The following LUZP2 variants were observed in gnomAD, a reference collection of about 807,000 sequenced individuals.
LUZP2 encodes the protein leucine zipper protein 2.
LUZP2 carries 52 observed loss-of-function variants against 51.6 expected under a neutral mutation model. The ratio of observed to expected loss-of-function variants is 1.01; its 90% CI spans 0.81 to 1.27. The LOEUF (loss-of-function observed/expected upper bound fraction) is 1.27, where lower values mean the gene tolerates loss of function less well. Ranked by LOEUF, LUZP2 falls within the 50% of genes most tolerant of loss-of-function variation. The probability of loss-of-function intolerance (pLI) is 0.00; values close to 1 mark genes in which losing one functional copy is unlikely to be tolerated. For missense variants in LUZP2, 436 were observed against 395.4 expected (o/e 1.10, Z -0.87); for synonymous variants, 154 against 137.3 (o/e 1.12, Z -0.85).
At chr11:24,559,728 A>C (rs570599617) in intron 1 of LUZP2, among the ~76,000 whole-genome samples, 1 of 152,326 alleles carries the variant, frequency 6.6e-6, no homozygotes, top group African/African-American at 2.4e-5. Flanking sequence ...GAGCAGAATA[A>C]ATAAAAAATC....
At chr11:24,907,260 C>A (rs1853483712) in intron 6 of LUZP2, among the ~76,000 whole-genome samples, 1 of 146,496 alleles carries the variant, frequency 6.8e-6, no homozygotes, top group Admixed American at 6.9e-5. Flanking sequence ...AAGGTGAAAA[C>A]TCTCCTTGAA....
intron 1 of LUZP2, among the ~76,000 whole-genome samples, chr11:24,527,433 A>G (rs1476139538): frequency 1.4e-5 from 2 of 145,596 alleles, no homozygotes; most frequent in Non-Finnish European, 3.0e-5. Context: ...AAGACATACA[A>G]TCACTTTCTC....
chr11:24,608,347 C>A (rs1036631845), intron 1 of LUZP2, among the ~76,000 whole-genome samples: 1 of 152,098 alleles, frequency 6.6e-6, no homozygotes, highest in African/African-American at 2.4e-5. Flanking sequence ...AATTATATGG[C>A]ATAGAAATAG....
At chr11:25,005,131 C>T (rs1335805461) in intron 9 of LUZP2, among the ~76,000 whole-genome samples, 1 of 152,104 alleles carries the variant, frequency 6.6e-6, no homozygotes, top group East Asian at 1.9e-4. Context: ...CCCCCTACAG[C>T]TTGAAGGGGG....
At chr11:24,623,070 G>C (rs376114673) in intron 1 of LUZP2, among the ~76,000 whole-genome samples, 1 of 151,976 alleles carries the variant, frequency 6.6e-6, no homozygotes, top group African/African-American at 2.4e-5. Flanking sequence ...CTGTAAATGT[G>C]CTTTAAAGAG....
intron 9 of LUZP2, among the ~76,000 whole-genome samples, chr11:25,007,703 A>G (rs1856871624): frequency 6.6e-6 from 1 of 152,226 alleles, no homozygotes; most frequent in African/African-American, 2.4e-5. Flanking sequence ...GTTTACTGTT[A>G]TCATAAACTA....
intron 1 of LUZP2, among the ~76,000 whole-genome samples, chr11:24,703,777 C>T (rs187518333): frequency 1.3e-4 from 19 of 151,728 alleles, no homozygotes; most frequent in African/African-American, 3.4e-4. Flanking sequence ...TGCAGTGAGC[C>T]GAGATCATGC....
chr11:25,039,176 C>T (rs1451462893), intron 9 of LUZP2, among the ~76,000 whole-genome samples: 4 of 152,118 alleles, frequency 2.6e-5, no homozygotes, highest in African/African-American at 9.7e-5. Flanking sequence ...TGTTGGGGCT[C>T]CCTTGGGGAT....
In LUZP2 at chr11:24,609,266, C is replaced by T. The variant is rs534318780; in HGVS notation, c.62+111961C>T. 3.9e-5 allele frequency among the ~76,000 whole-genome samples: 6 copies of T among 152,208 alleles called. No homozygotes were observed. The South Asian group carries it at 1.2e-3, about 32-fold the overall frequency. On this transcript the variant is annotated intron_variant, in intron 1 of 11. Transcript: ENST00000336930. ...GAAGGAGTCATTTTGAGAGATGAAC[C>T]CCAATCCTAGCTCTGTAGCAGTGGT...
intron 7 of LUZP2, among the ~76,000 whole-genome samples, chr11:24,967,344 G>T (rs1590785980): frequency 1.4e-5 from 2 of 146,852 alleles, no homozygotes; most frequent in Non-Finnish European, 1.5e-5. Flanking sequence ...TTAATTCATA[G>T]ACATTGTATA....
chr11:24,970,751 G>A (rs1285730652), intron 7 of LUZP2, among the ~76,000 whole-genome samples: 1 of 152,082 alleles, frequency 6.6e-6, no homozygotes, highest in Non-Finnish European at 1.5e-5. Context: ...CTATCCTTTA[G>A]AATCTAGCTC....
At chr11:24,618,261 T>C (rs548055162) in intron 1 of LUZP2, among the ~76,000 whole-genome samples, 4 of 152,178 alleles carry the variant, frequency 2.6e-5, no homozygotes, top group Non-Finnish European at 5.9e-5. Flanking sequence ...CTGGATATGA[T>C]GTAAGTCCAG....
intron 1 of LUZP2, among the ~76,000 whole-genome samples, chr11:24,672,164 A>G: frequency 6.6e-6 from 1 of 152,112 alleles, no homozygotes; most frequent in East Asian, 1.9e-4. Context: ...ATTATTATAT[A>G]TTTGGAATTG....
At chr11:24,504,493 A>T (rs1468153045) in intron 1 of LUZP2, among the ~76,000 whole-genome samples, 7 of 152,122 alleles carry the variant, frequency 4.6e-5, no homozygotes, top group Admixed American at 2.0e-4. Context: ...TCTGAAACTT[A>T]ATTTTCCCCT....
chr11:24,633,257 G>T (rs1854955529), intron 1 of LUZP2, among the ~76,000 whole-genome samples: 1 of 151,918 alleles, frequency 6.6e-6, no homozygotes, highest in African/African-American at 2.4e-5. Flanking sequence ...GAAACAAACA[G>T]ATCTGCCACA....
intron 1 of LUZP2, among the ~76,000 whole-genome samples, chr11:24,676,693 T>A (rs1278869247): frequency 2.0e-5 from 3 of 151,970 alleles, no homozygotes; most frequent in African/African-American, 7.2e-5. Flanking sequence ...AGACAGAGTC[T>A]TGCTCTGTCA....
chr11:24,525,748 C>T (rs1850779731), intron 1 of LUZP2, among the ~76,000 whole-genome samples: 1 of 151,190 alleles, frequency 6.6e-6, no homozygotes, highest in South Asian at 2.1e-4. Context: ...ACACACAGTC[C>T]TCCTAAGCAT....
intron 5 of LUZP2, among the ~76,000 whole-genome samples, chr11:24,843,809 C>T (rs2129361): frequency 0.99 from 151,367 of 152,216 alleles, 75,263 homozygotes; most frequent in Middle Eastern, 1. Flanking sequence ...TCTCAAGAGA[C>T]TTGATGGTTT....
chr11:24,973,369 T>TTTTTTG (rs1554948340), intron 7 of LUZP2, among the ~76,000 whole-genome samples: 1 of 148,550 alleles, frequency 6.7e-6, no homozygotes, highest in East Asian at 2.0e-4. Context: ...TATTAGTTTT[T>TTTTTTG]TTTTTTTTTT....
Sources: gnomAD v4.1 joint callset for allele counts (sites outside exome capture counted in the v4.1 genomes callset) on GRCh38, gnomAD v4.1.1 for gene constraint, MANE v1.5 for transcripts, NCBI Gene and HGNC (gene_info 2026-07-23, HGNC 2026-07-21) for gene names.